The following PLBD2 variants were observed in gnomAD, a reference collection of about 807,000 sequenced individuals.
The protein encoded by PLBD2 is phospholipase B domain containing 2.
In PLBD2, 51 loss-of-function variants were observed where a neutral mutation model predicts 68.3. That is an observed-to-expected ratio of 0.75 (90% CI 0.60 to 0.94). The LOEUF (loss-of-function observed/expected upper bound fraction) is 0.94, where lower values mean the gene tolerates loss of function less well. Ranked by LOEUF, PLBD2 falls within the 40% of genes least tolerant of loss-of-function variation. The pLI is 0.00. For synonymous variants in PLBD2, 314 were observed against 339.3 expected (o/e 0.93, Z 0.82); for missense variants, 729 against 792.2 (o/e 0.92, Z 0.96).
At chr12:113,368,094 A>C (rs1360082447) in intron 1 of PLBD2, among the ~76,000 whole-genome samples, 1 of 151,694 alleles carries the variant, frequency 6.6e-6, no homozygotes, top group Non-Finnish European at 1.5e-5. Flanking sequence ...AAAAAAAAAA[A>C]CAAGAATCTC....
chr12:113,360,689 C>T (rs1178221003), intron 1 of PLBD2, among the ~76,000 whole-genome samples: 1 of 152,226 alleles, frequency 6.6e-6, no homozygotes, highest in African/African-American at 2.4e-5. Flanking sequence ...CACAGTTTCA[C>T]TCCGTTGCCC....
chr12:113,382,405 G>A (rs1445906622), intron 6 of PLBD2, among the ~76,000 whole-genome samples: 2 of 151,994 alleles, frequency 1.3e-5, no homozygotes, highest in Non-Finnish European at 2.9e-5. Context: ...ATACCACTGT[G>A]GTGTGTCACG....
intron 5 of PLBD2, among the ~76,000 whole-genome samples, chr12:113,378,771 C>T (rs112698770): frequency 4.6e-5 from 7 of 152,004 alleles, no homozygotes; most frequent in African/African-American, 7.2e-5. Context: ...CTTCAACCTC[C>T]GCCTCCCAGG....
intron 5 of PLBD2, 84 bp from the exon 6 acceptor site, chr12:113,380,661 G>T (rs1957479612): frequency 4.5e-6 from 5 of 1,122,498 alleles, no homozygotes; most frequent in Non-Finnish European, 6.5e-6. Context: ...CTGTGCCCCT[G>T]TGCCTGTGTC....
chr12:113,372,056 G>A lies in PLBD2; in HGVS notation c.385-593G>A, dbSNP rs996158473. Among the ~76,000 whole-genome samples the A allele has an allele frequency of 6.6e-6, 1 of 152,194 alleles. No homozygotes were observed. Among genetic ancestry groups the A allele is most frequent in the Non-Finnish European group, 1.5e-5 (1 of 68,028 alleles). On this transcript the variant is annotated intron_variant, in intron 2 of 11. Transcript: ENST00000280800. The surrounding 1 kb of genome is among the most constrained non-coding windows in gnomAD (Gnocchi z 4.2). ...CTTGAAGGATGAACAGGATTTGGATGTGTTTCAGTGAGATGGTGATGGAGC... is the reference window on the plus strand; with the variant it reads ...CTTGAAGGATGAACAGGATTTGGATATGTTTCAGTGAGATGGTGATGGAGC...
rs963552968 is a variant in PLBD2 at position 113,387,829 on chromosome 12, T to A, written c.1525T>A (p.Ser509Thr). Residue 509 changes from serine to threonine, a missense_variant, in exon 11 of 12, where the codon TCC becomes ACC. Ser to Thr is a moderately conservative substitution (Grantham distance 58). Transcript: ENST00000280800. ...PNGENAISAR[S>T]DLNPANGSYP... is the part of the protein sequence containing the mutation. ...TGGGGAGAATGCTATCTCCGCCCGC[T>A]CCGACCTCAACCCGGCCAATGGCTC... 1.2e-6 allele frequency: 2 copies of A among 1,614,050 alleles called. No individual in the cohort carries two copies. Among genetic ancestry groups the A allele is most frequent in the Non-Finnish European group, 1.7e-6 (2 of 1,180,018 alleles).
At chr12:113,362,987 G>A (rs903616889) in intron 1 of PLBD2, among the ~76,000 whole-genome samples, 1 of 151,266 alleles carries the variant, frequency 6.6e-6, no homozygotes, top group Non-Finnish European at 1.5e-5. Flanking sequence ...ATAGAGATGG[G>A]GTTTCACCAT....
chr12:113,366,426 G>A (rs1228372038), intron 1 of PLBD2, among the ~76,000 whole-genome samples: 1 of 141,608 alleles, frequency 7.1e-6, no homozygotes, highest in East Asian at 2.3e-4. Flanking sequence ...AAATGAAAAC[G>A]TCTATATGGC....
chr12:113,383,006 G>A (rs1485059542), intron 6 of PLBD2, among the ~76,000 whole-genome samples: 2 of 151,932 alleles, frequency 1.3e-5, no homozygotes, highest in Non-Finnish European at 2.9e-5. Context: ...GAATAGCTGG[G>A]ATTACATGAG....
chr12:113,387,197 G>A, intron 10 of PLBD2, 108 bp downstream of exon 10: 1 of 1,371,642 alleles, frequency 7.3e-7, no homozygotes, highest in Non-Finnish European at 9.7e-7. Context: ...CAGCCCCAGA[G>A]GGCCAGCAGG....
rs186716821 is a variant in PLBD2, at chr12:113,366,262, C to T, written c.291-2854C>T. 1.5e-3 allele frequency among the ~76,000 whole-genome samples: 223 copies of T among 152,246 alleles called. 1 individual carries two copies. Among genetic ancestry groups the T allele is most frequent in the Non-Finnish European group, 2.0e-3 (133 of 68,010 alleles). On this transcript the variant is annotated intron_variant, in intron 1 of 11. Coordinates refer to ENST00000280800, the MANE Select transcript of PLBD2 (RefSeq NM_173542.4). ...TGTACCCTCTTCAAGGTCTCTTTAG[C>T]GTCTTCCTGTTGCCCTCATTTTCTT...
At chr12:113,374,193 C>T (rs530586824) in intron 3 of PLBD2, among the ~76,000 whole-genome samples, 1 of 152,256 alleles carries the variant, frequency 6.6e-6, no homozygotes, top group East Asian at 1.9e-4. Context: ...GGCTGGGAGG[C>T]GTCCTAGAAG....
Position 113,388,755 on chromosome 12 carries a change from A to G in PLBD2, c.*129A>G, listed in dbSNP as rs959027335. ...CGTTCTCTGATCTGGGGTCTGAGTC[A>G]TCTCCTCCTAGAGTGGGTCACGAAC... On this transcript the variant is annotated 3_prime_UTR_variant, in exon 12 of 12. Coordinates refer to ENST00000280800, the MANE Select transcript of PLBD2 (RefSeq NM_173542.4). 3 of 1,045,052 alleles carry G rather than the reference A, an allele frequency of 2.9e-6. No homozygotes were observed. Among genetic ancestry groups the G allele is most frequent in the Middle Eastern group, 2.3e-4 (1 of 4,304 alleles). The allele number at this position is 1,045,052 out of a possible 1,614,324, so 64.7% of individuals were successfully genotyped here.
chr12:113,368,942 C>T (rs1957364173), intron 1 of PLBD2, among the ~76,000 whole-genome samples, 174 bp from the exon 2 acceptor site: 1 of 152,168 alleles, frequency 6.6e-6, no homozygotes. Context: ...ACCCTTTGAG[C>T]CAGTAGTTCC....
At chr12:113,359,871 G>A (rs1957274358) in intron 1 of PLBD2, among the ~76,000 whole-genome samples, 1 of 152,184 alleles carries the variant, frequency 6.6e-6, no homozygotes, top group African/African-American at 2.4e-5. Context: ...CCCAGACGCT[G>A]GATCAGGCTG....
rs1174907250 is a variant in PLBD2, at chr12:113,391,259, C to T, written c.*2633C>T. ...AAGCACACAGCCCTGGAGTCAGAGA[C>T]CTGGGTTTCAATTCTGTCTCCACCT... is the stretch of plus-strand genomic sequence containing the variant. On this transcript the variant is annotated 3_prime_UTR_variant, in exon 12 of 12. Coordinates refer to ENST00000280800, the MANE Select transcript of PLBD2 (RefSeq NM_173542.4). 6.6e-6 allele frequency: 1 copy of T among 152,164 alleles called. No individual in the cohort carries two copies. Among genetic ancestry groups the T allele is most frequent in the Non-Finnish European group, 1.5e-5 (1 of 68,050 alleles). The allele number at this position is 152,164 out of a possible 1,614,324, so 9.4% of individuals were successfully genotyped here. A position where few individuals can be genotyped will look rare whatever the true frequency, so the allele number is the denominator to read the frequency against.
chr12:113,379,698 G>A (rs1426941512), intron 5 of PLBD2, among the ~76,000 whole-genome samples: 3 of 152,058 alleles, frequency 2.0e-5, no homozygotes, highest in African/African-American at 7.2e-5. Flanking sequence ...TGTAATCCCA[G>A]CTACTCGGGA....
chr12:113,363,678 C>T (rs1298042720), intron 1 of PLBD2, among the ~76,000 whole-genome samples: 1 of 151,764 alleles, frequency 6.6e-6, no homozygotes, highest in Non-Finnish European at 1.5e-5. Flanking sequence ...GCTGGGACTA[C>T]AGGTGCCCGC....
rs745957104 is a variant in PLBD2 at position 113,387,897 on chromosome 12, C to T, written c.1593C>T (p.Ile531=). 27 of 1,613,998 alleles carry T rather than the reference C, an allele frequency of 1.7e-5. No homozygotes were observed. Among genetic ancestry groups the T allele is most frequent in the East Asian group, 2.2e-5 (1 of 44,888 alleles). ...QALRQRSHGG[I]DVKVTSMSLA... is the part of the protein sequence containing the mutation. ...TGCGTCAGCGCTCCCATGGGGGTAT[C>T]GATGTGAAGGTGCTGCCTCCTCCCT... The change falls in exon 11 of 12, where the codon ATC becomes ATT. Residue 531 remains isoleucine, a synonymous_variant. Coordinates refer to ENST00000280800, the MANE Select transcript of PLBD2 (RefSeq NM_173542.4).
Sources: allele counts gnomAD v4.1 joint callset (sites outside exome capture counted in the v4.1 genomes callset), GRCh38; gene constraint gnomAD v4.1.1; non-coding constraint Gnocchi (gnomAD v3.1); transcripts MANE v1.5; gene names NCBI Gene and HGNC (gene_info 2026-07-23, HGNC 2026-07-21).